CDH18: variants seen among roughly 807,000 people sequenced by gnomAD.
CDH18 encodes the protein cadherin-18.
Under a neutral mutation model 67.9 loss-of-function variants are expected in CDH18, and 31 were observed. The observed-to-expected ratio is 0.46, with a 90% confidence interval of 0.34 to 0.62. CDH18 has a LOEUF of 0.62. Among genes scored for constraint, CDH18 ranks in the 20% least tolerant of loss-of-function variants. The pLI, the probability that CDH18 is intolerant of heterozygous loss-of-function variation, is 0.01. For synonymous variants in CDH18, 362 were observed against 347.2 expected, an observed-to-expected ratio of 1.04 and a Z score of -0.48; for missense variants, 890 against 975.5, an observed-to-expected ratio of 0.91 and a Z score of 1.17.
At chr5:19,708,733 T>C (rs1764284124) in intron 5 of CDH18, among the ~76,000 whole-genome samples, 1 of 152,208 alleles carries the variant, frequency 6.6e-6, no homozygotes, top group African/African-American at 2.4e-5. Context: ...ATCCCTTTGT[T>C]TCCCATTTTA....
chr5:19,477,242 T>C (rs74952167), intron 12 of CDH18, among the ~76,000 whole-genome samples: 2,171 of 151,360 alleles, frequency 0.014, 52 homozygotes, highest in African/African-American at 0.049. Context: ...AATGCAGACA[T>C]AGGATCCCTC....
At chr5:20,213,652 A>C (rs1010262729) in intron 2 of CDH18, among the ~76,000 whole-genome samples, 2 of 151,966 alleles carry the variant, frequency 1.3e-5, no homozygotes, top group Non-Finnish European at 2.9e-5. Context: ...GTTTGTGTGC[A>C]AAGATTTTCC....
intron 1 of CDH18, among the ~76,000 whole-genome samples, chr5:20,364,266 GAC>G (rs144767409): frequency 0.017 from 2,529 of 149,448 alleles, 78 homozygotes; most frequent in African/African-American, 0.057. Context: ...CACACACAGA[GAC>G]ACACACACAC....
At chr5:20,083,326 T>C (rs1447120681) in intron 2 of CDH18, among the ~76,000 whole-genome samples, 1 of 152,244 alleles carries the variant, frequency 6.6e-6, no homozygotes, top group Non-Finnish European at 1.5e-5. Context: ...CAGGCATATC[T>C]TCTTTTATTA....
At chr5:19,881,664 G>A (rs978646611) in intron 2 of CDH18, among the ~76,000 whole-genome samples, 8 of 151,630 alleles carry the variant, frequency 5.3e-5, no homozygotes, top group African/African-American at 1.5e-4. Flanking sequence ...GCACCACCAC[G>A]CCCAGCTAAT....
intron 1 of CDH18, among the ~76,000 whole-genome samples, chr5:20,526,834 T>A (rs1430165430): frequency 6.6e-6 from 1 of 151,808 alleles, no homozygotes; most frequent in African/African-American, 2.4e-5. Context: ...AACATAAAAA[T>A]GCTGAAAATT....
chr5:20,504,916 C>T (rs550523091), intron 1 of CDH18, among the ~76,000 whole-genome samples: 72 of 151,612 alleles, frequency 4.7e-4, no homozygotes, highest in African/African-American at 1.7e-3. Context: ...TACAGGCACC[C>T]GCCACCACGC....
chr5:20,542,633 A>G (rs1044293921), intron 1 of CDH18, among the ~76,000 whole-genome samples: 20 of 151,986 alleles, frequency 1.3e-4, no homozygotes, highest in African/African-American at 4.8e-4. Flanking sequence ...TCAACTTTAT[A>G]TATGTGGTAG....
intron 1 of CDH18, among the ~76,000 whole-genome samples, chr5:20,483,725 C>T (rs1180589505): frequency 2.0e-5 from 3 of 150,814 alleles, no homozygotes. Context: ...TAGATATCCA[C>T]ATGCAGAAAA....
chr5:19,555,768 A>G (rs996587958), intron 8 of CDH18, among the ~76,000 whole-genome samples: 2 of 152,122 alleles, frequency 1.3e-5, no homozygotes, highest in Non-Finnish European at 2.9e-5. Flanking sequence ...ATACAATCGC[A>G]ACTGATGTGC....
chr5:19,557,916 T>A (rs1620327), intron 8 of CDH18, among the ~76,000 whole-genome samples: 15,077 of 151,880 alleles, frequency 0.099, 1,043 homozygotes, highest in African/African-American at 0.19. Flanking sequence ...CTCAACAAAT[T>A]TAAGAAAATC....
At chr5:19,732,856 T>C (rs1767802144) in intron 4 of CDH18, among the ~76,000 whole-genome samples, 1 of 152,196 alleles carries the variant, frequency 6.6e-6, no homozygotes. Context: ...CCATGCATAC[T>C]TAACCTTGTA....
intron 3 of CDH18, among the ~76,000 whole-genome samples, chr5:19,792,348 T>TA (rs1255239107): frequency 6.6e-6 from 1 of 152,138 alleles, no homozygotes; most frequent in African/African-American, 2.4e-5. Context: ...CTTCGTAACT[T>TA]ACACCAGTAG....
At chr5:20,278,796 A>T (rs887194788) in intron 1 of CDH18, among the ~76,000 whole-genome samples, 2 of 152,138 alleles carry the variant, frequency 1.3e-5, no homozygotes, top group Admixed American at 6.6e-5. Context: ...TTGCTTATGC[A>T]ATCAGTTAAG....
chr5:20,147,233 G>T (rs1288801026), intron 2 of CDH18, among the ~76,000 whole-genome samples: 1 of 152,046 alleles, frequency 6.6e-6, no homozygotes, highest in Admixed American at 6.6e-5. Flanking sequence ...TTCAAAAGAA[G>T]AATACTTAGG....
At chr5:19,856,208 C>T (rs1784268851) in intron 2 of CDH18, among the ~76,000 whole-genome samples, 1 of 152,190 alleles carries the variant, frequency 6.6e-6, no homozygotes, top group Non-Finnish European at 1.5e-5. Context: ...AATGCAAATT[C>T]CCAGGCTCGA....
intron 2 of CDH18, among the ~76,000 whole-genome samples, chr5:19,920,734 G>A (rs561666903): frequency 4.6e-5 from 7 of 151,548 alleles, no homozygotes; most frequent in Non-Finnish European, 1.0e-4. Flanking sequence ...GTCTGGTCTC[G>A]AGCTCCTGAC....
intron 2 of CDH18, among the ~76,000 whole-genome samples, chr5:19,853,520 T>C (rs750150475): frequency 7.2e-5 from 11 of 152,084 alleles, no homozygotes; most frequent in Middle Eastern, 3.2e-3. Context: ...CTACAGAAAT[T>C]AACCACAGTA....
intron 7 of CDH18, among the ~76,000 whole-genome samples, chr5:19,589,490 C>A (rs998387431): frequency 6.6e-6 from 1 of 152,020 alleles, no homozygotes; most frequent in African/African-American, 2.4e-5. Flanking sequence ...ATCCTCTTCT[C>A]ACCTTTGTAT....
Sources: gnomAD v4.1 joint callset for allele counts (sites outside exome capture counted in the v4.1 genomes callset) on GRCh38, gnomAD v4.1.1 for gene constraint, MANE v1.5 for transcripts, NCBI Gene and HGNC (gene_info 2026-07-23, HGNC 2026-07-21) for gene names.